The following PRSS12 variants were observed in gnomAD, a reference collection of about 807,000 sequenced individuals.
The protein encoded by PRSS12 is serine protease 12.
A neutral mutation model predicts 104.4 loss-of-function variants in PRSS12; 85 were observed. The ratio of observed to expected loss-of-function variants is 0.81; its 90% confidence interval spans 0.68 to 0.98. The LOEUF is 0.98. Ranked by LOEUF, PRSS12 falls within the 50% of genes least tolerant of loss-of-function variation. PRSS12 has a pLI of 0.00. For synonymous variants in PRSS12, 454 were observed against 425.2 expected, an observed-to-expected ratio of 1.07 and a Z score of -0.83; for missense variants, 1,141 against 1,139.2, an observed-to-expected ratio of 1.00 and a Z score of -0.02.
At chr4:118,328,831 T>C (rs1246972715) in intron 4 of PRSS12, among the ~76,000 whole-genome samples, 4 of 152,298 alleles carry the variant, frequency 2.6e-5, no homozygotes, top group African/African-American at 9.6e-5. Context: ...TCTTGCTCTG[T>C]TGCCCAGGCT....
intron 4 of PRSS12, among the ~76,000 whole-genome samples, chr4:118,328,157 AG>A (rs1375982013): frequency 6.6e-6 from 1 of 152,230 alleles, no homozygotes; most frequent in Non-Finnish European, 1.5e-5. Context: ...CAAATTATAG[AG>A]AAAGAAGAGT....
intron 1 of PRSS12, among the ~76,000 whole-genome samples, chr4:118,341,796 A>G (rs988080322): frequency 6.6e-6 from 1 of 152,202 alleles, no homozygotes; most frequent in African/African-American, 2.4e-5. Context: ...ATGATCAACT[A>G]TCTCCTAGTT....
chr4:118,338,341 C>A (rs1724113640), intron 1 of PRSS12, 27 bp from the exon 2 acceptor site: 13 of 1,613,290 alleles, frequency 8.1e-6, no homozygotes, highest in Non-Finnish European at 1.1e-5. Flanking sequence ...TCCCAAAACC[C>A]TTTAATAGTA....
At chr4:118,294,053 G>A (rs767138170) in intron 11 of PRSS12, among the ~76,000 whole-genome samples, 1 of 152,126 alleles carries the variant, frequency 6.6e-6, no homozygotes, top group African/African-American at 2.4e-5. Context: ...CTGCATGGAT[G>A]GATCGTAAGT....
In PRSS12 at chr4:118,295,081, C is replaced by T. The variant is rs780052141; in HGVS notation, c.1917-20G>A. 2.5e-6 allele frequency: 4 copies of T among 1,613,122 alleles called. No homozygotes were observed. Among genetic ancestry groups the T allele is most frequent in the African/African-American group, 2.7e-5 (2 of 74,932 alleles). On this transcript the variant is annotated intron_variant, in intron 10 of 12. Coordinates refer to ENST00000296498, the MANE Select transcript of PRSS12 (RefSeq NM_003619.4). ...CCACCCCTAAGAAGAAAATGAGCTA[C>T]ACATCAACGTCAGTAAAAGGCAAAA...
At position 118,352,433 on chromosome 4, in the gene PRSS12, G is replaced by C. The variant is rs910570727; in HGVS notation, c.288C>G (p.Gly96=). The change falls in exon 1 of 13, where the codon GGC becomes GGG. Residue 96 remains glycine, a synonymous_variant. Coordinates refer to ENST00000296498, the MANE Select transcript of PRSS12 (RefSeq NM_003619.4). ...PRPHPWGCPA[G]EPWVSVTDFG... is the part of the protein sequence containing the mutation. ...AGTCCGTCACGCTGACCCATGGCTCGCCGGCGGGGCAGCCCCAGGGGTGCG... is the reference window on the plus strand; with the variant it reads ...AGTCCGTCACGCTGACCCATGGCTCCCCGGCGGGGCAGCCCCAGGGGTGCG... 5.3e-6 allele frequency: 8 copies of C among 1,500,176 alleles called. No homozygotes were observed. In the Admixed American group the frequency reaches 8.7e-5, roughly 16 times the overall value. The allele number at this position is 1,500,176 out of a possible 1,614,324, so 92.9% of individuals were successfully genotyped here.
intron 11 of PRSS12, among the ~76,000 whole-genome samples, chr4:118,283,565 A>C (rs4833571): frequency 0.55 from 84,172 of 151,990 alleles, 23,590 homozygotes; most frequent in East Asian, 0.67. Flanking sequence ...GACTTAAACT[A>C]CTTCCCTTTC....
chr4:118,324,864 C>G (rs1268436978), intron 4 of PRSS12, among the ~76,000 whole-genome samples: 1 of 151,900 alleles, frequency 6.6e-6, no homozygotes, highest in Non-Finnish European at 1.5e-5. Context: ...AGGCGCCCAC[C>G]ACCACACCCA....
chr4:118,298,676 T>A (rs140107913), intron 9 of PRSS12, 57 bp downstream of exon 9: 74 of 1,463,324 alleles, frequency 5.1e-5, no homozygotes, highest in Non-Finnish European at 6.8e-5. Flanking sequence ...CTGCTTATAG[T>A]AATGGAATGG....
chr4:118,345,078 G>T (rs1233420996), intron 1 of PRSS12, among the ~76,000 whole-genome samples: 1 of 152,148 alleles, frequency 6.6e-6, no homozygotes, highest in Non-Finnish European at 1.5e-5. Context: ...TCAACCAGAG[G>T]ACAAAGGTGA....
intron 4 of PRSS12, among the ~76,000 whole-genome samples, chr4:118,322,789 A>G (rs1204276074): frequency 6.6e-6 from 1 of 151,992 alleles, no homozygotes. Flanking sequence ...GATACAGGAT[A>G]GGAGAGAAGA....
chr4:118,317,669 T>C (rs1358588595), intron 5 of PRSS12, among the ~76,000 whole-genome samples: 1 of 152,226 alleles, frequency 6.6e-6, no homozygotes, highest in Non-Finnish European at 1.5e-5. Context: ...TATAGAAGTA[T>C]GTGAAGAGAA....
At chr4:118,324,379 T>C (rs909617207) in intron 4 of PRSS12, among the ~76,000 whole-genome samples, 5 of 152,080 alleles carry the variant, frequency 3.3e-5, no homozygotes, top group Non-Finnish European at 5.9e-5. Context: ...TTTCATACAA[T>C]TTTTAGGCAA....
In PRSS12 at chr4:118,337,993, T is replaced by C. The variant is rs115778593; in HGVS notation, c.641+183A>G. Among the ~76,000 whole-genome samples the C allele has an allele frequency of 3.5e-3, 539 of 152,316 alleles. 3 individuals are homozygous for C. Among genetic ancestry groups the C allele is most frequent in the African/African-American group, 0.012 (508 of 41,570 alleles). On this transcript the variant is annotated intron_variant, in intron 2 of 12. Coordinates refer to ENST00000296498, the MANE Select transcript of PRSS12 (RefSeq NM_003619.4). ...CCAGATAGTAATATGTGAAGTACAT[T>C]TGCATGTGAGAGAATTCATTTCTTC...
At chr4:118,308,914 A>G (rs1222652736) in intron 7 of PRSS12, among the ~76,000 whole-genome samples, 1 of 152,162 alleles carries the variant, frequency 6.6e-6, no homozygotes, top group Admixed American at 6.5e-5. Flanking sequence ...TCTAAATAGT[A>G]AAAGAACATT....
At position 118,310,181 on chromosome 4, in the gene PRSS12, A is replaced by C. The variant is rs138573549; in HGVS notation, c.1490-1604T>G. On this transcript the variant is annotated intron_variant, in intron 7 of 12. Transcript: ENST00000296498. The stretch of plus-strand genomic sequence containing the variant: ...TCTTTGCAAGAACAGAAAGTGAAAA[A>C]GTGATCCTCAGATACCAAAATCAAA... Among the ~76,000 whole-genome samples the C allele has an allele frequency of 2.1e-3, 324 of 152,338 alleles. 1 individual carries two copies. Among genetic ancestry groups the C allele is most frequent in the Middle Eastern group, 3.4e-3 (1 of 292 alleles).
In PRSS12 at chr4:118,352,680, G is replaced by GCCCCTAACATCAGGGCTAGCA; in HGVS notation, c.20_40dup (p.Val7_Gly13dup). ...ATCAAAGCCGACCACTTCGGGGAGC[G>GCCCCTAACATCAGGGCTAGCA]CCCCTAACATCAGGGCTAGCACGAA... On this transcript the variant is annotated inframe_insertion, in exon 1 of 13. Coordinates refer to ENST00000296498, the MANE Select transcript of PRSS12 (RefSeq NM_003619.4). 2 of 1,613,234 alleles carry GCCCCTAACATCAGGGCTAGCA rather than the reference G, an allele frequency of 1.2e-6. No individual in the cohort carries two copies. The highest frequency in any genetic ancestry group is 1.7e-6 in the Non-Finnish European group (2 of 1,179,508).
In PRSS12 at chr4:118,352,680, G is replaced by A; in HGVS notation, c.41C>T (p.Ala14Val). Reference sequence around the variant, plus strand: ...ATCAAAGCCGACCACTTCGGGGAGCGCCCCTAACATCAGGGCTAGCACGAA... The same window carrying A: ...ATCAAAGCCGACCACTTCGGGGAGCACCCCTAACATCAGGGCTAGCACGAA... ...ARFVLALMLG[A>V]LPEVVGFDSV... Residue 14 changes from alanine to valine, a missense_variant, in exon 1 of 13, where the codon GCG (alanine) becomes GTG (valine). Physicochemically the swap from Ala to Val is moderately conservative, Grantham distance 64. Transcript: ENST00000296498. 1 of 1,613,232 alleles carries A rather than the reference G, an allele frequency of 6.2e-7. No homozygotes were observed. The highest frequency in any genetic ancestry group is 1.3e-5 in the African/African-American group (1 of 75,004).
chr4:118,340,887 G>C (rs1724189285), intron 1 of PRSS12, among the ~76,000 whole-genome samples: 1 of 152,156 alleles, frequency 6.6e-6, no homozygotes, highest in Non-Finnish European at 1.5e-5. Flanking sequence ...GACTGAGTGG[G>C]GAAACCCAGT....
Sources: allele counts gnomAD v4.1 joint callset (sites outside exome capture counted in the v4.1 genomes callset), GRCh38; gene constraint gnomAD v4.1.1; transcripts MANE v1.5; gene names NCBI Gene and HGNC (gene_info 2026-07-23, HGNC 2026-07-21).